Variants in BBX observed in about 807,000 individuals in gnomAD.
BBX encodes HMG box transcription factor BBX.
A neutral mutation model predicts 100.2 loss-of-function variants in BBX; 30 were observed. The ratio of observed to expected loss-of-function variants is 0.30; its 90% confidence interval spans 0.22 to 0.41. The LOEUF (loss-of-function observed/expected upper bound fraction) is 0.41, where lower values mean the gene tolerates loss of function less well. BBX is among the 10% of genes least tolerant of loss of function. BBX has a pLI of 1.00. For synonymous variants in BBX, 376 were observed against 388.1 expected (o/e 0.97, Z 0.37); for missense variants, 1,023 against 1,129.8 (o/e 0.91, Z 1.35).
At chr3:107,752,335 A>G (rs939353933) in intron 9 of BBX, among the ~76,000 whole-genome samples, 1 of 152,340 alleles carries the variant, frequency 6.6e-6, no homozygotes, top group Admixed American at 6.5e-5. Context: ...AAAACACCAT[A>G]TACTTACACT....
chr3:107,629,520 C>G (rs1010918153), intron 2 of BBX, among the ~76,000 whole-genome samples: 2 of 152,146 alleles, frequency 1.3e-5, no homozygotes, highest in Non-Finnish European at 2.9e-5. Flanking sequence ...CCCCTCATCT[C>G]CCCTGCTCAT....
chr3:107,573,781 C>T (rs2051560752), intron 2 of BBX, among the ~76,000 whole-genome samples: 2 of 152,110 alleles, frequency 1.3e-5, no homozygotes, highest in Admixed American at 6.5e-5. Flanking sequence ...GGCTGGAGTG[C>T]AATGGCACGA....
intron 16 of BBX, among the ~76,000 whole-genome samples, chr3:107,800,348 A>T (rs1198828991): frequency 1.3e-5 from 2 of 152,210 alleles, no homozygotes; most frequent in Admixed American, 1.3e-4. Flanking sequence ...GAACAGTCCC[A>T]TTTACATAGA....
At chr3:107,731,351 A>G (rs1383963004) in intron 6 of BBX, among the ~76,000 whole-genome samples, 1 of 152,174 alleles carries the variant, frequency 6.6e-6, no homozygotes, top group East Asian at 1.9e-4. Context: ...GATCTCTAGG[A>G]TGACAGCTGC....
At chr3:107,556,377 A>AT (rs1203380644) in intron 2 of BBX, among the ~76,000 whole-genome samples, 4 of 152,132 alleles carry the variant, frequency 2.6e-5, no homozygotes, top group Admixed American at 6.5e-5. Context: ...TTTTTTTTGA[A>AT]TTAGATGCTG....
At chr3:107,671,932 C>T (rs921065169) in intron 3 of BBX, among the ~76,000 whole-genome samples, 1 of 152,018 alleles carries the variant, frequency 6.6e-6, no homozygotes, top group Non-Finnish European at 1.5e-5. Context: ...ACTTGTGATT[C>T]TTTATCTCAG....
intron 3 of BBX, among the ~76,000 whole-genome samples, chr3:107,646,833 G>T (rs1273658553): frequency 6.6e-6 from 1 of 151,956 alleles, no homozygotes; most frequent in East Asian, 1.9e-4. Flanking sequence ...CATCTGTCTA[G>T]ATTATGTGTC....
intron 17 of BBX, 75 bp from the exon 18 acceptor site, chr3:107,805,294 CT>C: frequency 1.4e-6 from 2 of 1,423,230 alleles, no homozygotes; most frequent in Non-Finnish European, 1.9e-6. Context: ...TTGGAACACA[CT>C]TGTTATTCAT....
intron 2 of BBX, among the ~76,000 whole-genome samples, chr3:107,618,322 T>G (rs1357199916): frequency 6.6e-6 from 1 of 152,032 alleles, no homozygotes; most frequent in African/African-American, 2.4e-5. Flanking sequence ...AATATTAGTG[T>G]GTGTCTTCTT....
intron 10 of BBX, among the ~76,000 whole-genome samples, chr3:107,762,443 T>C (rs1560111865): frequency 1.3e-5 from 2 of 152,252 alleles, no homozygotes; most frequent in African/African-American, 2.4e-5. Context: ...GGAATTGAAT[T>C]TTTTAGCAGC....
intron 7 of BBX, among the ~76,000 whole-genome samples, chr3:107,735,057 C>G (rs2063551777): frequency 3.9e-5 from 6 of 152,112 alleles, no homozygotes; most frequent in Admixed American, 3.9e-4. Context: ...TATTTCCCAT[C>G]TCAGAGATAT....
At chr3:107,790,912 C>T (rs997770280) in intron 14 of BBX, among the ~76,000 whole-genome samples, 1 of 152,122 alleles carries the variant, frequency 6.6e-6, no homozygotes, top group Non-Finnish European at 1.5e-5. Flanking sequence ...CTTCTGCTTA[C>T]AGTAAAGAAA....
intron 7 of BBX, among the ~76,000 whole-genome samples, chr3:107,739,647 C>T (rs1207520590): frequency 6.6e-6 from 1 of 152,060 alleles, no homozygotes; most frequent in Non-Finnish European, 1.5e-5. Context: ...GGAAGGTGGG[C>T]AGAAAGAGAG....
intron 2 of BBX, among the ~76,000 whole-genome samples, chr3:107,620,944 G>T (rs553350027): frequency 1.3e-5 from 2 of 150,058 alleles, no homozygotes; most frequent in South Asian, 2.1e-4. Context: ...GTGTGTGTGT[G>T]GGGGGGTGGG....
Position 107,710,477 on chromosome 3 carries a change from G to C in BBX, c.17G>C (p.Arg6Thr). MKGSN[R>T]NKDHSAEGEG... The stretch of plus-strand genomic sequence containing the variant: ...GTCACAGTAATGAAAGGCAGTAATA[G>C]AAATAAGGATCATTCAGCAGAAGGA... Residue 6 changes from arginine to threonine, a missense_variant, in exon 4 of 18, where the codon AGA becomes ACA. By Grantham distance (71) the Arg-to-Thr change is moderately conservative. This residue lies in a region of BBX where 229 missense variants were observed against 226.3 expected (regional missense o/e 1.01). Coordinates refer to ENST00000325805, the MANE Select transcript of BBX (RefSeq NM_001142568.3). The C allele has an allele frequency of 6.2e-7, 1 of 1,612,880 alleles. No individual in the cohort carries two copies. The highest frequency in any genetic ancestry group is 1.3e-5 in the African/African-American group (1 of 74,884).
rs2060315530 is a variant in BBX at position 107,693,233 on chromosome 3, T to A, written c.-9-17219T>A. Among the ~76,000 whole-genome samples the A allele has an allele frequency of 1.4e-4, 21 of 151,940 alleles. 1 individual carries two copies. The South Asian group carries it at 4.4e-3, about 32-fold the overall frequency. On this transcript the variant is annotated intron_variant, in intron 3 of 17. Coordinates refer to ENST00000325805, the MANE Select transcript of BBX (RefSeq NM_001142568.3). ...TCCCATTTGACAATTTTGGCTTTTG[T>A]TGCCATTGCTGTTGGTGTTTTAGAC... is the stretch of plus-strand genomic sequence containing the variant.
chr3:107,748,100 A>G, intron 9 of BBX, 61 bp downstream of exon 9: 1 of 1,411,990 alleles, frequency 7.1e-7, no homozygotes, highest in South Asian at 1.2e-5. Context: ...GGAATACTGG[A>G]ATGGAGTTTT....
At chr3:107,782,047 A>T (rs1200074099) in intron 13 of BBX, among the ~76,000 whole-genome samples, 5 of 152,140 alleles carry the variant, frequency 3.3e-5, no homozygotes, top group Admixed American at 3.3e-4. Flanking sequence ...AGAGTTCTGT[A>T]TCTTTCTCCA....
intron 3 of BBX, among the ~76,000 whole-genome samples, chr3:107,652,446 T>A (rs2057895135): frequency 6.6e-6 from 1 of 150,894 alleles, no homozygotes; most frequent in Admixed American, 6.6e-5. Context: ...TTAATCAGTT[T>A]GTCAGTGTAA....
Sources: gnomAD v4.1 joint callset for allele counts (sites outside exome capture counted in the v4.1 genomes callset) on GRCh38, gnomAD v4.1.1 for gene constraint, gnomAD v4.1.1 regional missense constraint, MANE v1.5 for transcripts, NCBI Gene and HGNC (gene_info 2026-07-23, HGNC 2026-07-21) for gene names.